TNS1: variants seen among roughly 807,000 people sequenced by gnomAD.
TNS1 encodes the protein tensin 1.
TNS1 carries 62 observed loss-of-function variants against 168.6 expected under a neutral mutation model. That is an observed-to-expected ratio of 0.37 (90% CI 0.30 to 0.45). The LOEUF is 0.45. Ranked by LOEUF, TNS1 falls within the 20% of genes least tolerant of loss-of-function variation. The pLI is 1.00. For missense variants in TNS1, 2,240 were observed against 2,339.4 expected (o/e 0.96, Z 0.88); for synonymous variants, 934 against 933.2 (o/e 1.00, Z -0.02).
chr2:217,922,375 A>G (rs1171595909), intron 3 of TNS1, among the ~76,000 whole-genome samples: 1 of 152,076 alleles, frequency 6.6e-6, no homozygotes, highest in Non-Finnish European at 1.5e-5. Context: ...TGGGTCCCTC[A>G]GTCCTGGGGG....
At chr2:217,842,800 G>C (rs944610651) in intron 19 of TNS1, among the ~76,000 whole-genome samples, 2 of 152,208 alleles carry the variant, frequency 1.3e-5, no homozygotes, top group East Asian at 1.9e-4. Flanking sequence ...CTCTACTCCA[G>C]CCATGCCAGG....
chr2:218,030,461 CA>C (rs1438885893), intron 1 of TNS1, among the ~76,000 whole-genome samples: 11 of 152,254 alleles, frequency 7.2e-5, no homozygotes, highest in Non-Finnish European at 8.8e-5. Context: ...ACTGGATTGA[CA>C]ACCCCCTGAG....
chr2:217,887,354 G>C (rs1951307440), intron 12 of TNS1, among the ~76,000 whole-genome samples: 1 of 152,108 alleles, frequency 6.6e-6, no homozygotes, highest in African/African-American at 2.4e-5. Context: ...TGTTGCCCAG[G>C]CTGGAGTGCA....
At chr2:217,953,634 A>T (rs1957293181) in intron 3 of TNS1, among the ~76,000 whole-genome samples, 1 of 151,942 alleles carries the variant, frequency 6.6e-6, no homozygotes. Context: ...CACCCACCTC[A>T]CTGAGCCCAG....
rs373290528 is a variant in TNS1, at chr2:217,897,980, A to G, written c.372-11T>C. 8 of 1,597,478 alleles carry G rather than the reference A, an allele frequency of 5.0e-6. No homozygotes were observed. Among genetic ancestry groups the G allele is most frequent in the South Asian group, 2.3e-5 (2 of 88,402 alleles). ...CTCACACTCATGTTTCTAGGGAGACAGCAGGCAGCGGAGGGTCCATATCAG... is the reference window on the plus strand; with the variant it reads ...CTCACACTCATGTTTCTAGGGAGACGGCAGGCAGCGGAGGGTCCATATCAG... On this transcript the variant is annotated splice_polypyrimidine_tract_variant and intron_variant, in intron 7 of 32. Coordinates refer to ENST00000682258, the MANE Select transcript of TNS1 (RefSeq NM_001387777.1).
chr2:218,010,252 C>T, exon 1 of TNS1: 1 of 398,742 alleles, frequency 2.5e-6, no homozygotes, highest in Non-Finnish European at 4.4e-6. Flanking sequence ...GGACCCGCCG[C>T]TCCTGGCGCA....
chr2:217,935,408 C>A (rs547916409), intron 3 of TNS1, among the ~76,000 whole-genome samples: 9 of 152,152 alleles, frequency 5.9e-5, no homozygotes, highest in Non-Finnish European at 1.2e-4. Flanking sequence ...AGAGTCATGG[C>A]CTCCTCTCCA....
At chr2:217,978,128 C>A (rs1426874328) in intron 3 of TNS1, among the ~76,000 whole-genome samples, 1 of 152,192 alleles carries the variant, frequency 6.6e-6, no homozygotes, top group Non-Finnish European at 1.5e-5. Context: ...CAGGGCCCAG[C>A]AATCCCTCCA....
Position 217,836,144 on chromosome 2 carries a change from A to T in TNS1, c.3075T>A (p.Asp1025Glu). The change falls in exon 20 of 33, where the codon GAT becomes GAA. Residue 1025 changes from aspartate (D) to glutamate (E), a missense_variant. Asp to Glu is a conservative substitution (Grantham distance 45, BLOSUM62 2). Coordinates refer to ENST00000682258, the MANE Select transcript of TNS1 (RefSeq NM_001387777.1). Reference sequence around the variant, plus strand: ...CTGGAGACTGGTTCTCATACTGTCCATCACTGGCCGCCCGCCTCCGCAGAG... The same window carrying T: ...CTGGAGACTGGTTCTCATACTGTCCTTCACTGGCCGCCCGCCTCCGCAGAG... ...PAPLRRRAAS[D>E]GQYENQSPEA... is the part of the protein sequence containing the mutation. 1 of 1,613,952 alleles carries T rather than the reference A, an allele frequency of 6.2e-7. No homozygotes were observed. The highest frequency in any genetic ancestry group is 8.5e-7 in the Non-Finnish European group (1 of 1,179,946).
At chr2:217,895,136 G>C (rs1172526428) in intron 8 of TNS1, 80 bp from the exon 9 acceptor site, 2 of 1,407,034 alleles carry the variant, frequency 1.4e-6, no homozygotes, top group Admixed American at 3.9e-5. Flanking sequence ...ATGGCCTGCT[G>C]GTCCCAGAAA....
chr2:217,887,554 C>T (rs1304702433), intron 12 of TNS1, among the ~76,000 whole-genome samples: 5 of 152,168 alleles, frequency 3.3e-5, no homozygotes, highest in Admixed American at 6.5e-5. Context: ...GTGATCAGCC[C>T]GCCTCGGCCT....
intron 3 of TNS1, 54 bp from the exon 4 acceptor site, chr2:217,920,290 C>G (rs984984172): frequency 4.3e-6 from 3 of 702,576 alleles, no homozygotes; most frequent in Admixed American, 4.0e-5. Flanking sequence ...CTAGAGACAG[C>G]CAGCACCTCC....
At chr2:217,976,766 A>C (rs896277873) in intron 3 of TNS1, among the ~76,000 whole-genome samples, 1 of 152,182 alleles carries the variant, frequency 6.6e-6, no homozygotes, top group African/African-American at 2.4e-5. Flanking sequence ...ATCTCCCCCA[A>C]TCAGACCCTT....
intron 18 of TNS1, among the ~76,000 whole-genome samples, chr2:217,854,063 C>G (rs1288899248): frequency 6.6e-6 from 1 of 152,318 alleles, no homozygotes; most frequent in South Asian, 2.1e-4. Flanking sequence ...GGACCCTATC[C>G]CCAGGGACTT....
Position 217,890,821 on chromosome 2 carries a change from G to A in TNS1, c.866+141C>T, listed in dbSNP as rs76131299. The A allele has an allele frequency of 9.6e-4, 792 of 822,076 alleles. 8 individuals are homozygous for A. The African/African-American group carries it at 0.012, about 13-fold the overall frequency. 50.9% of individuals were successfully genotyped at this position (822,076 alleles called of 1,614,324 possible). A position where few individuals can be genotyped will look rare whatever the true frequency, so the allele number is the denominator to read the frequency against. Reference sequence around the variant, plus strand: ...CCTGTGTGCCTGAGCTCACACCACTGCAGGCTGGCATCTGAAAACTTGCGC... The same window carrying A: ...CCTGTGTGCCTGAGCTCACACCACTACAGGCTGGCATCTGAAAACTTGCGC... On this transcript the variant is annotated intron_variant, in intron 12 of 32. Coordinates refer to ENST00000682258, the MANE Select transcript of TNS1 (RefSeq NM_001387777.1).
intron 18 of TNS1, among the ~76,000 whole-genome samples, chr2:217,872,752 C>A (rs182400342): frequency 6.6e-6 from 1 of 152,202 alleles, no homozygotes. Flanking sequence ...TTGACAGCAG[C>A]ATTCTTCACA....
rs553540317 is a variant in TNS1 at position 217,984,916 on chromosome 2, C to T, written c.148+6026G>A. ...AATTACAGGTGCTCGCCACCATACC[C>T]GGCTAAGTTTTTTGTATCTCTAAGT... On this transcript the variant is annotated intron_variant, in intron 2 of 32. Coordinates refer to ENST00000682258, the MANE Select transcript of TNS1 (RefSeq NM_001387777.1). Among the ~76,000 whole-genome samples the T allele has an allele frequency of 9.9e-5, 15 of 151,876 alleles. No homozygotes were observed. In the South Asian group the frequency reaches 1.2e-3, roughly 13 times the overall value.
At chr2:217,806,629 G>A (rs1047993277) in intron 32 of TNS1, among the ~76,000 whole-genome samples, 1 of 152,180 alleles carries the variant, frequency 6.6e-6, no homozygotes, top group Non-Finnish European at 1.5e-5. Context: ...CACGGGAAAT[G>A]CAGGAACTCA....
At chr2:217,854,157 A>T (rs1192517956) in intron 18 of TNS1, among the ~76,000 whole-genome samples, 1 of 152,188 alleles carries the variant, frequency 6.6e-6, no homozygotes, top group East Asian at 1.9e-4. Context: ...GCTGGAGGAC[A>T]TCTAGAGAAA....
Sources: gnomAD v4.1 joint callset for allele counts (sites outside exome capture counted in the v4.1 genomes callset) on GRCh38, gnomAD v4.1.1 for gene constraint, MANE v1.5 for transcripts, NCBI Gene and HGNC (gene_info 2026-07-23, HGNC 2026-07-21) for gene names.